RTKN2: variants seen among roughly 807,000 people sequenced by gnomAD.
RTKN2 encodes rhotekin-2.
RTKN2 carries 69 observed loss-of-function variants against 71.5 expected under a neutral mutation model. That is an observed-to-expected ratio of 0.96 (90% CI 0.79 to 1.18). RTKN2 has a LOEUF of 1.18. Ranked by LOEUF, RTKN2 falls within the 50% of genes most tolerant of loss-of-function variation. The pLI is 0.00. For missense variants in RTKN2, 724 were observed against 719.7 expected, an observed-to-expected ratio of 1.01 and a Z score of -0.07; for synonymous variants, 236 against 236.5, an observed-to-expected ratio of 1.00 and a Z score of 0.02.
chr10:62,223,161 T>A (rs1841945141), intron 7 of RTKN2, 77 bp downstream of exon 7: 1 of 759,182 alleles, frequency 1.3e-6, no homozygotes, highest in Non-Finnish European at 2.2e-6. Flanking sequence ...TAAGCCGATA[T>A]CCACTTGAGG....
rs1009725495 is a variant in RTKN2, at chr10:62,268,533, G to T, written c.60+18C>A. 1 of 1,551,902 alleles carries T rather than the reference G, an allele frequency of 6.4e-7. No homozygotes were observed. On this transcript the variant is annotated intron_variant, in intron 1 of 11. Coordinates refer to ENST00000373789, the MANE Select transcript of RTKN2 (RefSeq NM_145307.4). Reference sequence around the variant, plus strand: ...CGGCTCCCTCACCTTCCGCGGCAGGGTCCCTCCCGCAACTCACCTGCTGGG... The same window carrying T: ...CGGCTCCCTCACCTTCCGCGGCAGGTTCCCTCCCGCAACTCACCTGCTGGG...
Position 62,196,178 on chromosome 10 carries a change from A to C in RTKN2, c.*1730T>G, listed in dbSNP as rs1841327508. 6.1e-6 allele frequency: 6 copies of C among 979,310 alleles called. No homozygotes were observed. The highest frequency in any genetic ancestry group is 1.7e-5 in the African/African-American group (1 of 57,228). The allele number at this position is 979,310 out of a possible 1,614,324, so 60.7% of individuals were successfully genotyped here. On this transcript the variant is annotated 3_prime_UTR_variant, in exon 12 of 12. Transcript: ENST00000373789. ...GCAATGAAGTTTTAAAAAATAACCC[A>C]AAAATTCAAACAATAATATCCTTTA...
chr10:62,219,536 C>T (rs1365976288), intron 7 of RTKN2, among the ~76,000 whole-genome samples: 1 of 152,032 alleles, frequency 6.6e-6, no homozygotes, highest in Non-Finnish European at 1.5e-5. Context: ...TTCTTGACTT[C>T]AAGAGTGATG....
intron 2 of RTKN2, among the ~76,000 whole-genome samples, chr10:62,249,566 T>A (rs1042510899): frequency 1.3e-5 from 2 of 152,126 alleles, no homozygotes; most frequent in East Asian, 1.9e-4. Flanking sequence ...TTAGGGACTG[T>A]TAAATGAAAT....
rs1397168664 is a variant in RTKN2 at position 62,193,524 on chromosome 10, A to G, written c.*4384T>C. The G allele has an allele frequency of 2.0e-6, 2 of 982,150 alleles. No homozygotes were observed. Among genetic ancestry groups the G allele is most frequent in the African/African-American group, 3.5e-5 (2 of 57,162 alleles). The allele number at this position is 982,150 out of a possible 1,614,324, so 60.8% of individuals were successfully genotyped here. On this transcript the variant is annotated 3_prime_UTR_variant, in exon 12 of 12. Coordinates refer to ENST00000373789, the MANE Select transcript of RTKN2 (RefSeq NM_145307.4). ...TTGATTAGTAGGCCTCTCTCTGTAA[A>G]GTATTTTTTTAATTTTAAATATTTC...
chr10:62,256,779 G>A (rs1487631822), intron 2 of RTKN2, among the ~76,000 whole-genome samples: 1 of 151,952 alleles, frequency 6.6e-6, no homozygotes. Context: ...ACAACCTAGG[G>A]GGAGAATATA....
Position 62,194,298 on chromosome 10 carries a change from A to C in RTKN2, c.*3610T>G. On this transcript the variant is annotated 3_prime_UTR_variant, in exon 12 of 12. Transcript: ENST00000373789. ...ATCCAGAATATGCAGATTTCATTTA[A>C]CTATTAATAGCAATGAAGCAGTTGC... is the stretch of plus-strand genomic sequence containing the variant. The C allele has an allele frequency of 1.0e-6, 1 of 981,544 alleles. No homozygotes were observed. The highest frequency in any genetic ancestry group is 4.7e-5 in the South Asian group (1 of 21,202). 60.8% of individuals were successfully genotyped at this position (981,544 alleles called of 1,614,324 possible). A position where few individuals can be genotyped will look rare whatever the true frequency, so the allele number is the denominator to read the frequency against.
At chr10:62,223,724 C>T (rs1012596776) in intron 6 of RTKN2, among the ~76,000 whole-genome samples, 1 of 152,092 alleles carries the variant, frequency 6.6e-6, no homozygotes, top group African/African-American at 2.4e-5. Flanking sequence ...CATTGCTGGT[C>T]GGAATGTAAA....
In RTKN2 at chr10:62,195,601, GGGAATGAAGGAAGGAAGGAA is replaced by G. The variant is rs1483435287; in HGVS notation, c.*2287_*2306del. The G allele has an allele frequency of 1.9e-6, 1 of 522,768 alleles. No individual in the cohort carries two copies. The highest frequency in any genetic ancestry group is 2.5e-5 in the African/African-American group (1 of 39,286). 32.4% of individuals were successfully genotyped at this position (522,768 alleles called of 1,614,324 possible). ...AAGGAGGGAAGGAGAGACGGACAGA[GGGAATGAAGGAAGGAAGGAA>G]GGAAGGAAGGAAGGAAGGAAGGAAG... On this transcript the variant is annotated 3_prime_UTR_variant, in exon 12 of 12. Coordinates refer to ENST00000373789, the MANE Select transcript of RTKN2 (RefSeq NM_145307.4).
intron 8 of RTKN2, 93 bp from the exon 9 acceptor site, chr10:62,217,342 AT>A: frequency 1.1e-6 from 1 of 912,260 alleles, no homozygotes; most frequent in Non-Finnish European, 1.5e-6. Flanking sequence ...TAAATTAGTT[AT>A]TTAGAATTTT....
At chr10:62,226,066 G>A (rs1842016806) in intron 6 of RTKN2, among the ~76,000 whole-genome samples, 1 of 152,162 alleles carries the variant, frequency 6.6e-6, no homozygotes, top group Non-Finnish European at 1.5e-5. Context: ...ACAGGTGTGA[G>A]CCACTGCGCC....
chr10:62,232,141 T>C (rs1249366061), intron 6 of RTKN2, among the ~76,000 whole-genome samples: 3 of 152,004 alleles, frequency 2.0e-5, no homozygotes, highest in Non-Finnish European at 4.4e-5. Context: ...ATAAAGAAAA[T>C]TCGTGTTTGA....
At chr10:62,224,634 G>C (rs1841981422) in intron 6 of RTKN2, among the ~76,000 whole-genome samples, 1 of 152,108 alleles carries the variant, frequency 6.6e-6, no homozygotes, top group African/African-American at 2.4e-5. Context: ...GCATTTGCAA[G>C]TTGGAATGCA....
In RTKN2 at chr10:62,194,530, CA is replaced by C. The variant is rs1841284639; in HGVS notation, c.*3377del. The C allele has an allele frequency of 1.0e-6, 1 of 984,864 alleles. No individual in the cohort carries two copies. Among genetic ancestry groups the C allele is most frequent in the East Asian group, 1.1e-4 (1 of 8,832 alleles). The allele number at this position is 984,864 out of a possible 1,614,324, so 61.0% of individuals were successfully genotyped here. ...TTTTGATAAATTCAGACCACAGGGA[CA>C]GATATTTTTCTTGCAGAGCAGTTCT... On this transcript the variant is annotated 3_prime_UTR_variant, in exon 12 of 12. Coordinates refer to ENST00000373789, the MANE Select transcript of RTKN2 (RefSeq NM_145307.4).
At chr10:62,212,226 G>A (rs1037560337) in intron 9 of RTKN2, among the ~76,000 whole-genome samples, 6 of 151,748 alleles carry the variant, frequency 4.0e-5, no homozygotes, top group African/African-American at 1.2e-4. Context: ...AAAATTAGCC[G>A]GGCATGGTGG....
At chr10:62,228,697 C>T (rs12217669) in intron 6 of RTKN2, among the ~76,000 whole-genome samples, 83,121 of 151,954 alleles carry the variant, frequency 0.55, 23,683 homozygotes, top group East Asian at 0.89. Context: ...CAGGAGCCTA[C>T]TGTGAGTAAC....
intron 3 of RTKN2, among the ~76,000 whole-genome samples, chr10:62,244,308 C>T (rs1842437093): frequency 6.6e-6 from 1 of 151,996 alleles, no homozygotes; most frequent in Non-Finnish European, 1.5e-5. Flanking sequence ...GTTTCCGTTC[C>T]TTAATTTAAA....
intron 6 of RTKN2, among the ~76,000 whole-genome samples, chr10:62,228,581 C>T (rs1298506188): frequency 2.0e-5 from 3 of 151,998 alleles, no homozygotes; most frequent in African/African-American, 4.8e-5. Context: ...AATTATTTTC[C>T]ATGAAGGATA....
chr10:62,224,416 C>T (rs1244136537), intron 6 of RTKN2, among the ~76,000 whole-genome samples: 1 of 152,006 alleles, frequency 6.6e-6, no homozygotes, highest in East Asian at 1.9e-4. Flanking sequence ...TATACTTTGT[C>T]AATAAAAATC....
Sources: allele counts gnomAD v4.1 joint callset (sites outside exome capture counted in the v4.1 genomes callset), GRCh38; gene constraint gnomAD v4.1.1; transcripts MANE v1.5; gene names NCBI Gene and HGNC (gene_info 2026-07-23, HGNC 2026-07-21).